Variants in RYR2 observed in about 807,000 individuals in gnomAD.
RYR2 encodes cardiac muscle ryanodine receptor-calcium release channel.
A neutral mutation model predicts 601.1 loss-of-function variants in RYR2; 227 were observed. The observed-to-expected ratio is 0.38, with a 90% CI of 0.34 to 0.42. The LOEUF is 0.42. RYR2 is among the 10% of genes least tolerant of loss of function. The pLI, the probability that RYR2 is intolerant of heterozygous loss-of-function variation, is 1.00. For missense variants in RYR2, 4,646 were observed against 6,156.5 expected, an observed-to-expected ratio of 0.75 and a Z score of 8.21; for synonymous variants, 2,223 against 2,175.1, an observed-to-expected ratio of 1.02 and a Z score of -0.61.
intron 2 of RYR2, among the ~76,000 whole-genome samples, chr1:237,275,111 C>T (rs1558538195): frequency 6.6e-6 from 1 of 151,656 alleles, no homozygotes; most frequent in Non-Finnish European, 1.5e-5. Context: ...CACACACACA[C>T]ATACACACCG....
chr1:237,660,683 T>G (rs1056583032), intron 55 of RYR2, 127 bp from the exon 56 acceptor site: 1 of 784,898 alleles, frequency 1.3e-6, no homozygotes, highest in African/African-American at 1.8e-5. Context: ...CCTTTTTATA[T>G]TTTTAAATAA....
rs964895196 is a variant in RYR2 at position 237,180,556 on chromosome 1, C to T, written c.49-89941C>T. On this transcript the variant is annotated intron_variant, in intron 1 of 104. Transcript: ENST00000366574. This position sits in a 1 kb window ranked among gnomAD's most constrained non-coding sequence, Gnocchi z 5.3. ...CTGGTTGGCTCAGATTGAAAAAAAC[C>T]CAAATATATATATGTGTGTGTGTGT... Among the ~76,000 whole-genome samples the T allele has an allele frequency of 6.7e-6, 1 of 148,706 alleles. No individual in the cohort carries two copies. The highest frequency in any genetic ancestry group is 1.5e-5 in the Non-Finnish European group (1 of 67,472).
At chr1:237,678,136 T>C (rs750570387) in intron 61 of RYR2, 24 bp downstream of exon 61, 119 of 1,412,014 alleles carry the variant, frequency 8.4e-5, no homozygotes, top group Non-Finnish European at 1.2e-4. Flanking sequence ...TCTATCTTGT[T>C]TTTGCTTCAA....
At chr1:237,125,953 G>C (rs1446408817) in intron 1 of RYR2, among the ~76,000 whole-genome samples, 1 of 152,196 alleles carries the variant, frequency 6.6e-6, no homozygotes, top group Admixed American at 6.5e-5. Context: ...GTACAAAACT[G>C]AGGCCGGGCA....
intron 38 of RYR2, among the ~76,000 whole-genome samples, chr1:237,619,990 A>T (rs6670041): frequency 0.18 from 26,958 of 152,108 alleles, 2,938 homozygotes; most frequent in African/African-American, 0.31. Context: ...ATGAAAAATG[A>T]AGGAAATTTG....
At chr1:237,491,058 AGTT>A (rs1663276743) in intron 17 of RYR2, among the ~76,000 whole-genome samples, 1 of 152,166 alleles carries the variant, frequency 6.6e-6, no homozygotes, top group African/African-American at 2.4e-5. Context: ...TAGCTTTACA[AGTT>A]CATGCTAAAA....
chr1:237,153,070 G>T (rs1235661743), intron 1 of RYR2, among the ~76,000 whole-genome samples: 1 of 152,180 alleles, frequency 6.6e-6, no homozygotes, highest in Non-Finnish European at 1.5e-5. Flanking sequence ...TCAGATTTGT[G>T]TTTTAAAAAG....
intron 35 of RYR2, among the ~76,000 whole-genome samples, chr1:237,603,851 C>G (rs923454572): frequency 6.6e-6 from 1 of 152,146 alleles, no homozygotes; most frequent in Non-Finnish European, 1.5e-5. Context: ...GTAAAGGGAT[C>G]AATTCAACAA....
intron 1 of RYR2, among the ~76,000 whole-genome samples, chr1:237,173,906 A>T (rs1365481335): frequency 6.6e-6 from 1 of 152,018 alleles, no homozygotes; most frequent in Non-Finnish European, 1.5e-5. Flanking sequence ...AATACGAAAA[A>T]ATTAGCCTGG....
intron 1 of RYR2, among the ~76,000 whole-genome samples, chr1:237,111,610 AAAG>A (rs1241060673): frequency 6.6e-6 from 1 of 151,814 alleles, no homozygotes; most frequent in African/African-American, 2.4e-5. Flanking sequence ...AAAAAAAAAA[AAAG>A]GCACATTTGA....
rs1254448253 is a variant in RYR2 at position 237,099,149 on chromosome 1, C to T, written c.48+56580C>T. The stretch of plus-strand genomic sequence containing the variant: ...AAATTCAATATCAGCATACATATAA[C>T]ATTTAAGTTAATTCAGCCCAGCTGG... On this transcript the variant is annotated intron_variant, in intron 1 of 104. Coordinates refer to ENST00000366574, the MANE Select transcript of RYR2 (RefSeq NM_001035.3). 2.0e-5 allele frequency among the ~76,000 whole-genome samples: 3 copies of T among 151,490 alleles called. No individual in the cohort carries two copies. The East Asian group carries it at 5.8e-4, about 29-fold the overall frequency.
intron 17 of RYR2, among the ~76,000 whole-genome samples, chr1:237,480,040 G>A (rs747099206): frequency 2.2e-4 from 33 of 152,180 alleles, no homozygotes; most frequent in East Asian, 3.9e-4. Context: ...CACAGTGAAT[G>A]GTCCATTTGA....
intron 10 of RYR2, among the ~76,000 whole-genome samples, chr1:237,399,315 A>G (rs116133653): frequency 0.011 from 1,620 of 152,314 alleles, 38 homozygotes; most frequent in African/African-American, 0.037. Flanking sequence ...CATTTTCATA[A>G]CATTTTTAAA....
At chr1:237,675,321 A>G (rs1685300756) in intron 60 of RYR2, among the ~76,000 whole-genome samples, 1 of 152,132 alleles carries the variant, frequency 6.6e-6, no homozygotes, top group East Asian at 1.9e-4. Context: ...GGGTACAATG[A>G]AAGACCTCTT....
intron 100 of RYR2, among the ~76,000 whole-genome samples, chr1:237,814,579 T>A (rs1279429529): frequency 6.6e-6 from 1 of 151,568 alleles, no homozygotes; most frequent in East Asian, 1.9e-4. Flanking sequence ...CAGATTAGGA[T>A]GTTTTGAGCC....
chr1:237,147,636 G>C (rs1025084946), intron 1 of RYR2, among the ~76,000 whole-genome samples: 1 of 152,190 alleles, frequency 6.6e-6, no homozygotes, highest in African/African-American at 2.4e-5. Flanking sequence ...CCAACCTCAT[G>C]GTGAATACAT....
chr1:237,415,273 T>C (rs1704860328), intron 10 of RYR2, among the ~76,000 whole-genome samples: 1 of 152,168 alleles, frequency 6.6e-6, no homozygotes, highest in Non-Finnish European at 1.5e-5. Flanking sequence ...TTCTAAAAAC[T>C]ATCCATGTGA....
chr1:237,323,088 C>G (rs1325029463), intron 2 of RYR2, among the ~76,000 whole-genome samples: 1 of 152,130 alleles, frequency 6.6e-6, no homozygotes, highest in African/African-American at 2.4e-5. Flanking sequence ...TAGAGCTCCA[C>G]TTTTCAAAAC....
intron 4 of RYR2, among the ~76,000 whole-genome samples, chr1:237,362,978 T>C (rs1558686912): frequency 6.6e-6 from 1 of 152,146 alleles, no homozygotes; most frequent in African/African-American, 2.4e-5. Flanking sequence ...GACCACTCTT[T>C]TTTTTGTTAA....
Sources: allele counts gnomAD v4.1 joint callset (sites outside exome capture counted in the v4.1 genomes callset), GRCh38; gene constraint gnomAD v4.1.1; non-coding constraint Gnocchi (gnomAD v3.1); transcripts MANE v1.5; gene names NCBI Gene and HGNC (gene_info 2026-07-23, HGNC 2026-07-21).